The following TAF15 variants were observed in gnomAD, a reference collection of about 807,000 sequenced individuals.
The protein encoded by TAF15 is TATA-binding protein-associated factor 2N.
In TAF15, 37 loss-of-function variants were observed where a neutral mutation model predicts 102.5. The observed-to-expected ratio is 0.36, with a 90% confidence interval of 0.28 to 0.47. The LOEUF is 0.47. TAF15 is among the 20% of genes least tolerant of loss of function. The pLI is 0.99. For missense variants in TAF15, 652 were observed against 760.7 expected (o/e 0.86, Z 1.68); for synonymous variants, 273 against 259.2 (o/e 1.05, Z -0.51).
At chr17:35,825,517 CTA>C (rs1209445115) in intron 7 of TAF15, among the ~76,000 whole-genome samples, 15 of 148,574 alleles carry the variant, frequency 1.0e-4, no homozygotes. Context: ...CCTTGAAATG[CTA>C]TATGTTTTAT....
chr17:35,844,660 G>A lies in TAF15; in HGVS notation c.1361G>A (p.Gly454Asp). 1 of 1,599,738 alleles carries A rather than the reference G, an allele frequency of 6.3e-7. No homozygotes were observed. The highest frequency in any genetic ancestry group is 1.1e-5 in the South Asian group (1 of 90,230). ...GGYGGDRSGG[G>D]YGGDRGGGYG... ...TATGGTGGAGACAGAAGTGGGGGTGGCTATGGTGGGGACAGAGGCGGCGGC... is the reference window on the plus strand; with the variant it reads ...TATGGTGGAGACAGAAGTGGGGGTGACTATGGTGGGGACAGAGGCGGCGGC... The change falls in exon 15 of 16, where the codon GGC becomes GAC. Residue 454 changes from glycine to aspartate, a missense_variant. By Grantham distance (94) the Gly-to-Asp change is moderately conservative (BLOSUM62 -1). This residue lies in a region of TAF15 where 368 missense variants were observed against 367.5 expected (regional missense o/e 1.00). Transcript: ENST00000605844.
chr17:35,827,335 CAAAAAA>C (rs745381454), intron 7 of TAF15, among the ~76,000 whole-genome samples: 3 of 67,086 alleles, frequency 4.5e-5, no homozygotes, highest in Non-Finnish European at 9.2e-5. Flanking sequence ...GACTCCGTCG[CAAAAAA>C]AAAAAAAAAA....
intron 6 of TAF15, 107 bp downstream of exon 6, chr17:35,822,940 G>C (rs1319288122): frequency 3.6e-5 from 49 of 1,375,464 alleles, no homozygotes; most frequent in Non-Finnish European, 4.9e-5. Flanking sequence ...TAAAAATTTA[G>C]GGTAACCTTG....
chr17:35,810,819 C>T (rs2087116333), intron 1 of TAF15: 2 of 152,302 alleles, frequency 1.3e-5, no homozygotes, highest in Admixed American at 6.5e-5. Flanking sequence ...GCATGCTATA[C>T]ATTACTTAGA....
chr17:35,838,719 A>G (rs1016319613), intron 11 of TAF15, among the ~76,000 whole-genome samples, 166 bp downstream of exon 11: 1 of 152,210 alleles, frequency 6.6e-6, no homozygotes, highest in Non-Finnish European at 1.5e-5. Flanking sequence ...GATGAGCTCT[A>G]TCGTTGTTGG....
intron 2 of TAF15, among the ~76,000 whole-genome samples, chr17:35,818,946 T>G (rs1200812466): frequency 6.6e-6 from 1 of 152,180 alleles, no homozygotes; most frequent in African/African-American, 2.4e-5. Flanking sequence ...ATATTAAGCG[T>G]TTTTTTAGTG....
At chr17:35,840,338 G>A (rs548941662) in intron 11 of TAF15, among the ~76,000 whole-genome samples, 4 of 136,670 alleles carry the variant, frequency 2.9e-5, no homozygotes, top group South Asian at 2.4e-4. Flanking sequence ...TTGAACCTCC[G>A]CCTCCTGGGT....
intron 15 of TAF15, among the ~76,000 whole-genome samples, chr17:35,845,928 C>T (rs1327748005): frequency 1.3e-5 from 2 of 152,164 alleles, no homozygotes; most frequent in African/African-American, 4.8e-5. Flanking sequence ...AGTGAAGGAA[C>T]ATACCTTTCA....
rs187720810 is a variant in TAF15, at chr17:35,840,498, C to T, written c.914-1869C>T. Among the ~76,000 whole-genome samples, 149 of 150,806 alleles carry T rather than the reference C, an allele frequency of 9.9e-4. 1 individual carries two copies. The highest frequency in any genetic ancestry group is 3.4e-3 in the Middle Eastern group (1 of 292). ...CCATCTCCTGACCTCGTGATCCACC[C>T]GCCTCAGCCTCCCAAAGTGCTGGGA... On this transcript the variant is annotated intron_variant, in intron 11 of 15. Coordinates refer to ENST00000605844, the MANE Select transcript of TAF15 (RefSeq NM_139215.3).
intron 1 of TAF15, among the ~76,000 whole-genome samples, chr17:35,814,423 C>T (rs1170250371): frequency 6.6e-6 from 1 of 152,012 alleles, no homozygotes; most frequent in African/African-American, 2.4e-5. Context: ...CCACCTCAGC[C>T]TCCCAAAGTG....
intron 1 of TAF15, chr17:35,817,373 C>G (rs564651356): frequency 7.2e-6 from 2 of 276,026 alleles, no homozygotes; most frequent in Admixed American, 4.9e-5. Flanking sequence ...TGTCTTTCCC[C>G]TTTTTGGACC....
chr17:35,822,545 T>C (rs532960485), intron 5 of TAF15, 95 bp from the exon 6 acceptor site: 1 of 1,151,694 alleles, frequency 8.7e-7, no homozygotes, highest in African/African-American at 1.5e-5. Context: ...TTAATGTCTC[T>C]AACTGGTCAG....
At chr17:35,809,924 TGA>T (rs1376715919) in intron 1 of TAF15, 5 of 477,972 alleles carry the variant, frequency 1.0e-5, no homozygotes, top group African/African-American at 3.9e-5. Context: ...AGCATCAGCC[TGA>T]GAGAAGCGGT....
chr17:35,844,965 G>A lies in TAF15; in HGVS notation c.1666G>A (p.Gly556Ser), dbSNP rs760451686. 10 of 1,613,114 alleles carry A rather than the reference G, an allele frequency of 6.2e-6. No homozygotes were observed. The African/African-American group carries it at 1.2e-4, about 19-fold the overall frequency. The stretch of plus-strand genomic sequence containing the variant: ...AGGCTATGGAGGAGACAGGAGTGGT[G>A]GCGGCTATGGAGGAGACCGAGGTGG... ...SGGYGGDRSG[G>S]GYGGDRGGGY... Residue 556 changes from glycine (G) to serine (S), a missense_variant, in exon 15 of 16, where the codon GGC (glycine) becomes AGC (serine). Coordinates refer to ENST00000605844, the MANE Select transcript of TAF15 (RefSeq NM_139215.3).
intron 15 of TAF15, among the ~76,000 whole-genome samples, 173 bp downstream of exon 15, chr17:35,845,211 CT>C (rs2143837183): frequency 1.3e-5 from 2 of 152,196 alleles, no homozygotes; most frequent in East Asian, 3.9e-4. Flanking sequence ...TGTTTTGGAA[CT>C]TTTTATTTTT....
intron 9 of TAF15, among the ~76,000 whole-genome samples, chr17:35,835,855 A>G (rs2087468069): frequency 2.0e-5 from 3 of 152,258 alleles, no homozygotes; most frequent in Non-Finnish European, 4.4e-5. Flanking sequence ...CTGAATCTGA[A>G]GAGTGAGGTT....
rs944533244 is a variant in TAF15 at position 35,817,705 on chromosome 17, A to G, written c.8-11A>G. The G allele has an allele frequency of 2.5e-6, 4 of 1,612,200 alleles. No homozygotes were observed. Among genetic ancestry groups the G allele is most frequent in the Admixed American group, 1.7e-5 (1 of 60,004 alleles). On this transcript the variant is annotated splice_polypyrimidine_tract_variant and intron_variant, in intron 1 of 15. Transcript: ENST00000605844. ...TTAAATAAGATTTAAAATTCTTTTT[A>G]TGTGTTCTAGATTCTGGAAGTTACG...
At chr17:35,834,736 A>ATTTCTTTTT (rs2087451374) in intron 9 of TAF15, 138 bp downstream of exon 9, 1 of 237,258 alleles carries the variant, frequency 4.2e-6, no homozygotes, top group African/African-American at 5.3e-5. Flanking sequence ...GGGGAGCTTT[A>ATTTCTTTTT]TTTCTTTTTT....
chr17:35,827,243 G>A (rs1424555859), intron 7 of TAF15, among the ~76,000 whole-genome samples: 2 of 151,804 alleles, frequency 1.3e-5, no homozygotes, highest in South Asian at 2.1e-4. Flanking sequence ...GGCTGAGGGA[G>A]GAGAATGGTG....
Sources: gnomAD v4.1 joint callset for allele counts (sites outside exome capture counted in the v4.1 genomes callset) on GRCh38, gnomAD v4.1.1 for gene constraint, gnomAD v4.1.1 regional missense constraint, MANE v1.5 for transcripts, NCBI Gene and HGNC (gene_info 2026-07-23, HGNC 2026-07-21) for gene names.